The following VIPR2 variants were observed in gnomAD, a reference collection of about 807,000 sequenced individuals.
The protein encoded by VIPR2 is vasoactive intestinal peptide receptor 2.
VIPR2 carries 48 observed loss-of-function variants against 58.0 expected under a neutral mutation model. That is an observed-to-expected ratio of 0.83 (90% CI 0.66 to 1.05). VIPR2 has a LOEUF of 1.05. Among genes scored for constraint, VIPR2 ranks in the 50% least tolerant of loss-of-function variants. VIPR2 has a pLI of 0.00. For synonymous variants in VIPR2, 243 were observed against 235.2 expected (o/e 1.03, Z -0.30); for missense variants, 534 against 558.0 (o/e 0.96, Z 0.43).
At chr7:159,060,329 C>A (rs1008444356) in intron 4 of VIPR2, among the ~76,000 whole-genome samples, 5 of 151,088 alleles carry the variant, frequency 3.3e-5, no homozygotes, top group African/African-American at 1.2e-4. Flanking sequence ...CTAACCATGA[C>A]CCTCACCTCA....
rs144300428 is a variant in VIPR2, at chr7:159,137,862, C to T, written c.151+4584G>A. On this transcript the variant is annotated intron_variant, in intron 2 of 12. Transcript: ENST00000262178. ...TTATTTGGACTAGAACAAGGACCTA[C>T]TTATATCAGAAAGAAAATGAAAAGG... Among the ~76,000 whole-genome samples the T allele has an allele frequency of 8.2e-3, 1,244 of 152,294 alleles. 11 individuals carry two copies. The highest frequency in any genetic ancestry group is 0.029 in the African/African-American group (1,186 of 41,554).
At chr7:159,111,827 A>G (rs1187684093) in intron 2 of VIPR2, among the ~76,000 whole-genome samples, 1 of 152,168 alleles carries the variant, frequency 6.6e-6, no homozygotes, top group Non-Finnish European at 1.5e-5. Context: ...TGGGCAACAT[A>G]GCGAGACCCC....
At chr7:159,030,885 C>T (rs921048521) in intron 12 of VIPR2, 96 bp from the exon 13 acceptor site, 8 of 1,371,478 alleles carry the variant, frequency 5.8e-6, no homozygotes, top group South Asian at 1.5e-5. Context: ...CTCTCCCTCC[C>T]GCCTGCTCCC....
Position 159,097,189 on chromosome 7 carries a change from C to T in VIPR2, c.357+6568G>A, listed in dbSNP as rs1333849347. 1 of 1,435,528 alleles carries T rather than the reference C, an allele frequency of 7.0e-7. No homozygotes were observed. Among genetic ancestry groups the T allele is most frequent in the African/African-American group, 1.4e-5 (1 of 69,668 alleles). 88.9% of individuals were successfully genotyped at this position (1,435,528 alleles called of 1,614,324 possible). A position where few individuals can be genotyped will look rare whatever the true frequency, so the allele number is the denominator to read the frequency against. On this transcript the variant is annotated intron_variant, in intron 4 of 12. Coordinates refer to ENST00000262178, the MANE Select transcript of VIPR2 (RefSeq NM_003382.5). This position sits in a 1 kb window ranked among gnomAD's most constrained non-coding sequence, Gnocchi z 5.3. Reference sequence around the variant, plus strand: ...ATCTTTGTCACCAGGGATGGGAGCCCTGGGGAGTGAAGTTTGCCATCAGTG... The same window carrying T: ...ATCTTTGTCACCAGGGATGGGAGCCTTGGGGAGTGAAGTTTGCCATCAGTG...
At chr7:159,130,118 G>A (rs1004562956) in intron 2 of VIPR2, among the ~76,000 whole-genome samples, 1 of 152,236 alleles carries the variant, frequency 6.6e-6, no homozygotes, top group Admixed American at 6.5e-5. Flanking sequence ...AATTATAACA[G>A]TGAGAAAATG....
chr7:159,037,243 T>C (rs1854026844), intron 6 of VIPR2, among the ~76,000 whole-genome samples: 2 of 152,196 alleles, frequency 1.3e-5, no homozygotes, highest in Admixed American at 1.3e-4. Flanking sequence ...CCTCGGCTAC[T>C]CCACTTCCCC....
chr7:159,055,626 C>G (rs1360539838), intron 5 of VIPR2, among the ~76,000 whole-genome samples: 2 of 152,080 alleles, frequency 1.3e-5, no homozygotes, highest in Non-Finnish European at 2.9e-5. Context: ...CGTTTTGCTT[C>G]CCACTGATTC....
chr7:159,117,531 G>GC (rs1796285035), intron 2 of VIPR2: 1 of 658,432 alleles, frequency 1.5e-6, no homozygotes, highest in Non-Finnish European at 2.8e-6. Context: ...ACAGATGGGT[G>GC]CAACTCCAGT....
intron 2 of VIPR2, among the ~76,000 whole-genome samples, chr7:159,111,093 G>C (rs573078533): frequency 6.6e-6 from 1 of 152,220 alleles, no homozygotes; most frequent in Non-Finnish European, 1.5e-5. Context: ...GAGCCCCCGT[G>C]TAAGGCTGCT....
chr7:159,107,868 ACAGTGCCGGACACACGTGATGATGCC>A lies in VIPR2; in HGVS notation c.259+1918_259+1943del, dbSNP rs542065123. Among the ~76,000 whole-genome samples, 160 of 152,344 alleles carry A rather than the reference ACAGTGCCGGACACACGTGATGATGCC, an allele frequency of 1.1e-3. 2 individuals are homozygous for A. The East Asian group carries it at 0.028, about 27-fold the overall frequency. ...AGTGTGCTGGTCACTGTGATGATGC[ACAGTGCCGGACACACGTGATGATGCC>A]CAGAGGCCACCTGCCTAGCATAGGA... On this transcript the variant is annotated intron_variant, in intron 3 of 12. Coordinates refer to ENST00000262178, the MANE Select transcript of VIPR2 (RefSeq NM_003382.5).
chr7:159,140,365 C>T (rs766317419), intron 2 of VIPR2, among the ~76,000 whole-genome samples: 6 of 152,180 alleles, frequency 3.9e-5, no homozygotes, highest in African/African-American at 1.2e-4. Flanking sequence ...CGGTTCACAT[C>T]GCTGATAGCA....
chr7:159,132,821 C>CAGACAGAATGATTGGCATACA (rs1796993289), intron 2 of VIPR2, among the ~76,000 whole-genome samples: 2 of 30,082 alleles, frequency 6.6e-5, no homozygotes, highest in African/African-American at 2.7e-4. Flanking sequence ...ATTGGCATAC[C>CAGACAGAATGATTGGCATACA]GATTGATTTG....
At chr7:159,107,663 G>A (rs1254086912) in intron 3 of VIPR2, among the ~76,000 whole-genome samples, 3 of 151,946 alleles carry the variant, frequency 2.0e-5, no homozygotes, top group Non-Finnish European at 4.4e-5. Flanking sequence ...GCAGGGTTAG[G>A]ACCTGAAGGA....
chr7:159,136,713 A>G (rs1318278547), intron 2 of VIPR2, among the ~76,000 whole-genome samples: 4 of 152,204 alleles, frequency 2.6e-5, no homozygotes, highest in African/African-American at 9.7e-5. Flanking sequence ...AGCCCAGGAA[A>G]AGGAGGAGGC....
At chr7:159,060,639 C>G (rs1855594936) in intron 4 of VIPR2, among the ~76,000 whole-genome samples, 1 of 151,834 alleles carries the variant, frequency 6.6e-6, no homozygotes, top group Non-Finnish European at 1.5e-5. Context: ...ACTTACCCAC[C>G]ACCTGACTCA....
intron 6 of VIPR2, among the ~76,000 whole-genome samples, chr7:159,042,821 A>C (rs2730255): frequency 0.93 from 140,965 of 152,192 alleles, 65,335 homozygotes; most frequent in East Asian, 1. Context: ...ATGCCTGGGA[A>C]CCCCACCCTC....
chr7:159,035,664 C>T (rs6950938), intron 8 of VIPR2: 142,682 of 981,696 alleles, frequency 0.15, 10,688 homozygotes, highest in East Asian at 0.19. Context: ...CTGTGGACAT[C>T]GCTGTGCCCA....
At chr7:159,036,944 C>T (rs530646947) in intron 6 of VIPR2, 42 bp from the exon 7 acceptor site, 29 of 1,585,138 alleles carry the variant, frequency 1.8e-5, no homozygotes, top group Admixed American at 8.5e-5. Flanking sequence ...TGACCTCATC[C>T]GGTAACAGCA....
At chr7:159,038,050 TTATATATGGGTGGGTATACTTA>T (rs1435357840) in intron 6 of VIPR2, among the ~76,000 whole-genome samples, 1 of 152,194 alleles carries the variant, frequency 6.6e-6, no homozygotes, top group Non-Finnish European at 1.5e-5. Flanking sequence ...ATATACTTTT[TTATATATGGGTGGGTATACTTA>T]TATATATGGG....
Sources: allele counts gnomAD v4.1 joint callset (sites outside exome capture counted in the v4.1 genomes callset), GRCh38; gene constraint gnomAD v4.1.1; non-coding constraint Gnocchi (gnomAD v3.1); transcripts MANE v1.5; gene names NCBI Gene and HGNC (gene_info 2026-07-23, HGNC 2026-07-21).